STX8: variants seen among roughly 807,000 people sequenced by gnomAD.
STX8 encodes the protein syntaxin 8, also known as syntaxin-8.
A neutral mutation model predicts 37.5 loss-of-function variants in STX8; 23 were observed. The observed-to-expected ratio is 0.61, with a 90% CI of 0.44 to 0.87. STX8 has a LOEUF of 0.87. STX8 is among the 40% of genes least tolerant of loss of function. STX8 has a pLI of 0.00. For synonymous variants in STX8, 115 were observed against 99.1 expected, an observed-to-expected ratio of 1.16 and a Z score of -0.95; for missense variants, 313 against 284.7, an observed-to-expected ratio of 1.10 and a Z score of -0.71.
intron 7 of STX8, among the ~76,000 whole-genome samples, chr17:9,265,090 G>A (rs1184447844): frequency 6.8e-6 from 1 of 146,252 alleles, no homozygotes; most frequent in African/African-American, 2.6e-5. Context: ...CTGCACTCCA[G>A]CCTGGGTGAG....
intron 6 of STX8, among the ~76,000 whole-genome samples, chr17:9,474,862 C>T (rs955066289): frequency 2.0e-5 from 3 of 152,168 alleles, no homozygotes; most frequent in African/African-American, 7.2e-5. Flanking sequence ...ATCCCAGCTA[C>T]TCGGGAGGCT....
rs932978480 is a variant in STX8, at chr17:9,354,377, G to A, written c.643+24175C>T. 1.6e-4 allele frequency among the ~76,000 whole-genome samples: 23 copies of A among 144,776 alleles called. No homozygotes were observed. In the East Asian group the frequency reaches 2.3e-3, roughly 14 times the overall value. The allele number at this position is 144,776 out of a possible 152,430, so 95.0% of individuals were successfully genotyped here. On this transcript the variant is annotated intron_variant, in intron 7 of 7. Transcript: ENST00000306357. Reference sequence around the variant, plus strand: ...CACTCTGTCACCCAGGCTGGAGTGCGGTGGTGAGATCTCGGCTCACTGCAA... The same window carrying A: ...CACTCTGTCACCCAGGCTGGAGTGCAGTGGTGAGATCTCGGCTCACTGCAA...
At chr17:9,292,280 C>T (rs868667964) in intron 7 of STX8, among the ~76,000 whole-genome samples, 2 of 152,230 alleles carry the variant, frequency 1.3e-5, no homozygotes, top group Non-Finnish European at 1.5e-5. Flanking sequence ...GTCAGTGTCA[C>T]GGTCTCCACC....
At chr17:9,322,814 T>TA (rs59941529) in intron 7 of STX8, among the ~76,000 whole-genome samples, 1,310 of 64,694 alleles carry the variant, frequency 0.02, 55 homozygotes, top group East Asian at 0.035. Context: ...GTGCATTTGC[T>TA]AAAAAAAAAA....
At chr17:9,401,960 G>C (rs1786684163) in intron 6 of STX8, among the ~76,000 whole-genome samples, 1 of 152,130 alleles carries the variant, frequency 6.6e-6, no homozygotes, top group African/African-American at 2.4e-5. Flanking sequence ...CCTTCTAAAG[G>C]GGGGATGTGA....
intron 6 of STX8, among the ~76,000 whole-genome samples, chr17:9,466,685 T>A (rs377220740): frequency 2.6e-5 from 4 of 152,146 alleles, no homozygotes; most frequent in Non-Finnish European, 4.4e-5. Context: ...CATAGGCCTG[T>A]GTCCAATATG....
At chr17:9,446,832 T>C (rs1042998048) in intron 6 of STX8, among the ~76,000 whole-genome samples, 3 of 152,214 alleles carry the variant, frequency 2.0e-5, no homozygotes, top group African/African-American at 7.2e-5. Flanking sequence ...TTCATGTCAC[T>C]GCCAAAACAG....
intron 3 of STX8, among the ~76,000 whole-genome samples, chr17:9,552,030 A>G (rs530354356): frequency 6.6e-6 from 1 of 152,334 alleles, no homozygotes; most frequent in African/African-American, 2.4e-5. Flanking sequence ...ACCAAAAACT[A>G]GAAAGAACCA....
chr17:9,419,998 T>G (rs1040026534), intron 6 of STX8, among the ~76,000 whole-genome samples: 1 of 152,224 alleles, frequency 6.6e-6, no homozygotes, highest in African/African-American at 2.4e-5. Flanking sequence ...CGTTAAACTA[T>G]CAAGAATCAA....
At chr17:9,422,999 T>A (rs1316907917) in intron 6 of STX8, among the ~76,000 whole-genome samples, 1 of 152,204 alleles carries the variant, frequency 6.6e-6, no homozygotes, top group Non-Finnish European at 1.5e-5. Context: ...TACGTGGTGA[T>A]AAAGAAGCAT....
intron 1 of STX8, chr17:9,569,700 C>A (rs919031811): frequency 6.6e-6 from 1 of 152,286 alleles, no homozygotes; most frequent in Middle Eastern, 3.4e-3. Flanking sequence ...GTAATCCCAG[C>A]ACTTTGGGAG....
chr17:9,507,150 CA>C lies in STX8; in HGVS notation c.324-1989del, dbSNP rs1904868066. On this transcript the variant is annotated intron_variant, in intron 4 of 7. Transcript: ENST00000306357. This position sits in a 1 kb window ranked among gnomAD's most constrained non-coding sequence, Gnocchi z 4.0. ...GGCTAGCAGAGTGACTACGCTCCTG[CA>C]TCCCGGATCTATGAAACAGTCGGGC... Among the ~76,000 whole-genome samples, 2 of 152,066 alleles carry C rather than the reference CA, an allele frequency of 1.3e-5. No homozygotes were observed. The highest frequency in any genetic ancestry group is 4.8e-5 in the African/African-American group (2 of 41,392).
At chr17:9,574,280 A>G (rs1014341995) in intron 1 of STX8, among the ~76,000 whole-genome samples, 5 of 151,270 alleles carry the variant, frequency 3.3e-5, no homozygotes, top group Non-Finnish European at 7.4e-5. Context: ...GTCTCAAAAA[A>G]AAAAAAAAGA....
intron 3 of STX8, among the ~76,000 whole-genome samples, chr17:9,555,906 A>AG (rs1033513574): frequency 6.6e-6 from 1 of 152,080 alleles, no homozygotes; most frequent in African/African-American, 2.4e-5. Flanking sequence ...AAAAAAAAAA[A>AG]AAAAAATTAG....
intron 7 of STX8, among the ~76,000 whole-genome samples, chr17:9,376,543 A>G (rs1029460338): frequency 3.3e-5 from 5 of 152,246 alleles, no homozygotes; most frequent in South Asian, 2.1e-4. Flanking sequence ...AGGCCACCTG[A>G]GGCAGCAACC....
chr17:9,343,653 G>C lies in STX8; in HGVS notation c.643+34899C>G, dbSNP rs139257858. Among the ~76,000 whole-genome samples, 576 of 152,212 alleles carry C rather than the reference G, an allele frequency of 3.8e-3. 1 individual carries two copies. The highest frequency in any genetic ancestry group is 0.013 in the African/African-American group (545 of 41,532). ...TGGTGGTGATGGATGTCAAACCTGC[G>C]ATGGGGAAAGTGAAGAGCAGTTCCC... On this transcript the variant is annotated intron_variant, in intron 7 of 7. Transcript: ENST00000306357.
chr17:9,320,937 C>T (rs1327552121), intron 7 of STX8, among the ~76,000 whole-genome samples: 7 of 144,368 alleles, frequency 4.8e-5, no homozygotes, highest in East Asian at 4.0e-4. Context: ...GTGATCCCAA[C>T]GGGGCCTCCA....
At chr17:9,425,013 A>G (rs1198314029) in intron 6 of STX8, among the ~76,000 whole-genome samples, 1 of 152,210 alleles carries the variant, frequency 6.6e-6, no homozygotes, top group African/African-American at 2.4e-5. Flanking sequence ...AACTCAGGAA[A>G]AGATTCATGA....
chr17:9,484,965 T>C (rs1906520134), intron 6 of STX8, among the ~76,000 whole-genome samples: 1 of 152,180 alleles, frequency 6.6e-6, no homozygotes, highest in Non-Finnish European at 1.5e-5. Flanking sequence ...GTGTGGACTT[T>C]ATCAGGAAGG....
Sources: gnomAD v4.1 joint callset for allele counts (sites outside exome capture counted in the v4.1 genomes callset) on GRCh38, gnomAD v4.1.1 for gene constraint, Gnocchi (gnomAD v3.1) non-coding constraint, MANE v1.5 for transcripts, NCBI Gene and HGNC (gene_info 2026-07-23, HGNC 2026-07-21) for gene names.